The following ERI1 variants were observed in gnomAD, a reference collection of about 807,000 sequenced individuals.
ERI1 encodes 3'-5' exoribonuclease 1.
In ERI1, 39 loss-of-function variants were observed where a neutral mutation model predicts 39.7. The observed-to-expected ratio is 0.98, with a 90% CI of 0.76 to 1.28. The LOEUF (loss-of-function observed/expected upper bound fraction) is 1.28. ERI1 is among the 50% of genes most tolerant of loss of function. The probability of loss-of-function intolerance (pLI) is 0.00; values close to 1 mark genes in which losing one functional copy is unlikely to be tolerated. For synonymous variants in ERI1, 204 were observed against 149.6 expected (o/e 1.36, Z -2.65); for missense variants, 581 against 416.9 (o/e 1.39, Z -3.43).
chr8:9,013,188 G>A (rs901296180), intron 3 of ERI1, among the ~76,000 whole-genome samples: 1 of 151,652 alleles, frequency 6.6e-6, no homozygotes, highest in Non-Finnish European at 1.5e-5. Flanking sequence ...CTAATTTTTT[G>A]TATTTTAGTA....
rs187692074 is a variant in ERI1 at position 9,041,705 on chromosome 8, T to C, written n.299+21241T>C. On this transcript the variant is annotated intron_variant and non_coding_transcript_variant, in intron 3 of 3. Coordinates refer to the ERI1 transcript ENST00000518663. ...AAAACAGTATTGAGAGGCAAGTTTATAGCAATACGTGGCTGCATTTAAAAA... is the reference window on the plus strand; with the variant it reads ...AAAACAGTATTGAGAGGCAAGTTTACAGCAATACGTGGCTGCATTTAAAAA... Among the ~76,000 whole-genome samples the C allele has an allele frequency of 1.1e-4, 16 of 152,328 alleles. No homozygotes were observed. The East Asian group carries it at 2.9e-3, about 28-fold the overall frequency.
rs978819107 is a variant in ERI1, at chr8:9,032,325, A to C, written c.*2291A>C. 1 of 152,184 alleles carries C rather than the reference A, an allele frequency of 6.6e-6. No individual in the cohort carries two copies. Among genetic ancestry groups the C allele is most frequent in the Non-Finnish European group, 1.5e-5 (1 of 68,032 alleles). The allele number at this position is 152,184 out of a possible 1,614,324, so 9.4% of individuals were successfully genotyped here. ...AAACAATTTATTATTAGCTGTGTTA[A>C]CTTTTATTCTATGCTTCATATGCTC... is the stretch of plus-strand genomic sequence containing the variant. On this transcript the variant is annotated 3_prime_UTR_variant, in exon 7 of 7. Transcript: ENST00000250263.
Position 9,011,699 on chromosome 8 carries a change from C to T in ERI1, c.445C>T (p.His149Tyr). The change falls in exon 3 of 7, where the codon CAT (histidine) becomes TAT (tyrosine). Residue 149 changes from histidine (H) to tyrosine (Y), a missense_variant. By Grantham distance (83) the His-to-Tyr change is moderately conservative. Transcript: ENST00000250263. ...CEEGNPPEFV[H>Y]EIIEFPVVLL... ...AGAAGGAAACCCACCTGAGTTTGTA[C>T]ATGAAATAATTGAATTTCCGGTTGT... 1 of 1,612,316 alleles carries T rather than the reference C, an allele frequency of 6.2e-7. No homozygotes were observed. The highest frequency in any genetic ancestry group is 8.5e-7 in the Non-Finnish European group (1 of 1,178,924).
downstream of ERI1, among the ~76,000 whole-genome samples, chr8:9,033,760 T>G (rs1250262580): frequency 2.0e-5 from 3 of 152,194 alleles, no homozygotes; most frequent in African/African-American, 7.2e-5. Context: ...GGCTTGAGCC[T>G]TGCTCTTTAT....
At chr8:9,007,446 T>G (rs1250161766) in intron 1 of ERI1, among the ~76,000 whole-genome samples, 1 of 152,214 alleles carries the variant, frequency 6.6e-6, no homozygotes, top group African/African-American at 2.4e-5. Context: ...TATTAGCATA[T>G]TGTTTGTGAA....
At chr8:9,072,788 C>A (rs1431311446) in intron 3 of ERI1, among the ~76,000 whole-genome samples, 1 of 152,164 alleles carries the variant, frequency 6.6e-6, no homozygotes, top group African/African-American at 2.4e-5. Flanking sequence ...CCACTCCCGA[C>A]AGAAGCAGCC....
intron 3 of ERI1, among the ~76,000 whole-genome samples, chr8:9,056,676 A>G (rs1472232654): frequency 6.6e-6 from 1 of 152,186 alleles, no homozygotes; most frequent in Non-Finnish European, 1.5e-5. Flanking sequence ...CTTTGCCAGC[A>G]CTATTATAGT....
intron 3 of ERI1, among the ~76,000 whole-genome samples, chr8:9,013,873 C>A (rs533683277): frequency 6.6e-6 from 1 of 152,148 alleles, no homozygotes; most frequent in Non-Finnish European, 1.5e-5. Context: ...CAAAATATAT[C>A]CAGAACCCAG....
At chr8:9,083,695 T>G (rs952537836) in intron 3 of ERI1, among the ~76,000 whole-genome samples, 28 of 151,726 alleles carry the variant, frequency 1.8e-4, no homozygotes, top group African/African-American at 5.8e-4. Context: ...GGTTCATGCC[T>G]GTAATCCCAG....
rs183874431 is a variant in ERI1, at chr8:9,022,164, G to A, written c.807+1700G>A. ...TAAGTTTTTGCTAGCATCTGATATTGTCATACATTTTAAATGTTTTGTAAA... is the reference window on the plus strand; with the variant it reads ...TAAGTTTTTGCTAGCATCTGATATTATCATACATTTTAAATGTTTTGTAAA... On this transcript the variant is annotated intron_variant, in intron 6 of 6. Transcript: ENST00000250263. Among the ~76,000 whole-genome samples, 4 of 152,170 alleles carry A rather than the reference G, an allele frequency of 2.6e-5. No individual in the cohort carries two copies. The East Asian group carries it at 7.7e-4, about 29-fold the overall frequency.
At chr8:9,009,674 G>A (rs930396995) in intron 2 of ERI1, among the ~76,000 whole-genome samples, 10 of 152,046 alleles carry the variant, frequency 6.6e-5, no homozygotes, top group South Asian at 2.1e-4. Flanking sequence ...TGAGTAGCTC[G>A]GATTACAGGC....
intron 3 of ERI1, among the ~76,000 whole-genome samples, chr8:9,083,505 C>T (rs575323963): frequency 1.1e-3 from 161 of 152,200 alleles, no homozygotes; most frequent in South Asian, 3.7e-3. Context: ...GAGAACAGTG[C>T]GATGAACCAC....
chr8:9,022,788 A>G (rs1818054901), intron 6 of ERI1, among the ~76,000 whole-genome samples: 1 of 152,198 alleles, frequency 6.6e-6, no homozygotes, highest in Non-Finnish European at 1.5e-5. Context: ...TAACAGAAAT[A>G]GGTATGAGTC....
chr8:9,061,561 G>C (rs933876995), intron 3 of ERI1, among the ~76,000 whole-genome samples: 2 of 152,196 alleles, frequency 1.3e-5, no homozygotes, highest in African/African-American at 4.8e-5. Context: ...AAAACAGTAA[G>C]GTCAAGTTGT....
rs1797630208 is a variant in ERI1, at chr8:9,032,130, A to G, written c.*2096A>G. 1 of 152,164 alleles carries G rather than the reference A, an allele frequency of 6.6e-6. No homozygotes were observed. Among genetic ancestry groups the G allele is most frequent in the Non-Finnish European group, 1.5e-5 (1 of 68,046 alleles). The allele number at this position is 152,164 out of a possible 1,614,324, so 9.4% of individuals were successfully genotyped here. ...TTTGATTTGGGATTTTGCTGATGAGATGATACTAAACATTGAGAGTACTGC... is the reference window on the plus strand; with the variant it reads ...TTTGATTTGGGATTTTGCTGATGAGGTGATACTAAACATTGAGAGTACTGC... On this transcript the variant is annotated 3_prime_UTR_variant, in exon 7 of 7. Coordinates refer to ENST00000250263, the MANE Select transcript of ERI1 (RefSeq NM_153332.4).
intron 3 of ERI1, among the ~76,000 whole-genome samples, chr8:9,039,081 G>T (rs548761834): frequency 1.3e-5 from 2 of 152,032 alleles, no homozygotes; most frequent in African/African-American, 4.8e-5. Context: ...GAATTTACTC[G>T]TTCTTATATT....
chr8:9,080,169 A>T (rs1023472076), intron 3 of ERI1, among the ~76,000 whole-genome samples: 3 of 152,170 alleles, frequency 2.0e-5, no homozygotes, highest in African/African-American at 7.2e-5. Flanking sequence ...ACTTGTGGTA[A>T]TAGAAAGCAG....
intron 3 of ERI1, chr8:9,091,227 G>A (rs1483062753): frequency 1.3e-5 from 2 of 152,166 alleles, no homozygotes; most frequent in Non-Finnish European, 2.9e-5. Context: ...AACACCACAA[G>A]AAAGAATTCT....
chr8:9,008,287 AAC>A, intron 2 of ERI1, 139 bp downstream of exon 2: 3 of 753,774 alleles, frequency 4.0e-6, no homozygotes, highest in Non-Finnish European at 6.0e-6. Flanking sequence ...AAAACTAATT[AAC>A]ATTTTTTATG....
Sources: allele counts gnomAD v4.1 joint callset (sites outside exome capture counted in the v4.1 genomes callset), GRCh38; gene constraint gnomAD v4.1.1; transcripts MANE v1.5; gene names NCBI Gene and HGNC (gene_info 2026-07-23, HGNC 2026-07-21).